ANKS1B: variants seen among roughly 807,000 people sequenced by gnomAD.
The protein encoded by ANKS1B is ankyrin repeat and sterile alpha motif domain containing 1B, also known as ankyrin repeat and sterile alpha motif domain-containing protein 1B.
ANKS1B carries 36 observed loss-of-function variants against 148.3 expected under a neutral mutation model. That is an observed-to-expected ratio of 0.24 (90% CI 0.19 to 0.32). The LOEUF (loss-of-function observed/expected upper bound fraction) is 0.32, where lower values mean the gene tolerates loss of function less well. ANKS1B is among the 10% of genes least tolerant of loss of function. The pLI is 1.00. For missense variants in ANKS1B, 1,157 were observed against 1,542.6 expected (o/e 0.75, Z 4.19); for synonymous variants, 542 against 560.8 (o/e 0.97, Z 0.47).
intron 20 of ANKS1B, among the ~76,000 whole-genome samples, chr12:98,807,120 A>C (rs2099056538): frequency 6.6e-6 from 1 of 152,230 alleles, no homozygotes. Flanking sequence ...GTATTTTAAA[A>C]TATGGAACAT....
intron 9 of ANKS1B, among the ~76,000 whole-genome samples, chr12:98,735,844 A>G (rs12581708): frequency 0.045 from 6,892 of 152,230 alleles, 322 homozygotes; most frequent in East Asian, 0.26. Flanking sequence ...GGTGGTATGT[A>G]CAAGCGGAGG....
intron 25 of ANKS1B, among the ~76,000 whole-genome samples, chr12:98,769,165 C>CTTTTTT (rs1182264550): frequency 0.017 from 681 of 41,236 alleles, 93 homozygotes; most frequent in Middle Eastern, 0.038. Context: ...GTCTTCTTTA[C>CTTTTTT]TTTTTTTTTT....
chr12:99,674,843 T>G (rs1208227470), intron 8 of ANKS1B, among the ~76,000 whole-genome samples: 1 of 151,820 alleles, frequency 6.6e-6, no homozygotes, highest in Non-Finnish European at 1.5e-5. Context: ...ACGTGAAAAC[T>G]TTGGAAAATT....
intron 12 of ANKS1B, among the ~76,000 whole-genome samples, chr12:99,279,126 G>T (rs2078061378): frequency 6.6e-6 from 1 of 152,132 alleles, no homozygotes; most frequent in African/African-American, 2.4e-5. Flanking sequence ...CTCCAGGCTG[G>T]CCTTGAATTC....
At chr12:99,535,329 G>C (rs1001422260) in intron 9 of ANKS1B, among the ~76,000 whole-genome samples, 2 of 152,066 alleles carry the variant, frequency 1.3e-5, no homozygotes, top group African/African-American at 4.8e-5. Flanking sequence ...TCCCATGATT[G>C]GTCCACTCTT....
intron 8 of ANKS1B, among the ~76,000 whole-genome samples, chr12:99,747,433 T>C (rs1202461818): frequency 2.6e-5 from 4 of 152,034 alleles, no homozygotes; most frequent in Non-Finnish European, 5.9e-5. Flanking sequence ...TCTCAGCCCT[T>C]TTTCCCAGAG....
At chr12:99,041,044 C>G (rs186829046) in intron 17 of ANKS1B, among the ~76,000 whole-genome samples, 66 of 152,306 alleles carry the variant, frequency 4.3e-4, no homozygotes, top group African/African-American at 1.6e-3. Context: ...GGGATAAAGA[C>G]CTGTACTTGG....
chr12:99,914,622 C>T (rs1018546301), intron 1 of ANKS1B, among the ~76,000 whole-genome samples: 2 of 152,072 alleles, frequency 1.3e-5, no homozygotes, highest in Non-Finnish European at 2.9e-5. Flanking sequence ...GATGAAGGAG[C>T]TTAGCTACAA....
chr12:99,965,574 C>A (rs2095475221), intron 1 of ANKS1B, among the ~76,000 whole-genome samples: 1 of 152,172 alleles, frequency 6.6e-6, no homozygotes, highest in Non-Finnish European at 1.5e-5. Context: ...TCCCATGCCA[C>A]CTGACAGGAT....
intron 1 of ANKS1B, among the ~76,000 whole-genome samples, chr12:99,933,849 C>T (rs1484321312): frequency 1.3e-5 from 2 of 152,054 alleles, no homozygotes; most frequent in Non-Finnish European, 2.9e-5. Flanking sequence ...CATTTTTCCC[C>T]ATTCAGTAAG....
intron 4 of ANKS1B, among the ~76,000 whole-genome samples, chr12:99,799,606 C>T (rs1403674821): frequency 6.6e-6 from 1 of 152,062 alleles, no homozygotes; most frequent in African/African-American, 2.4e-5. Flanking sequence ...AGGGTATCCT[C>T]ATAGGGAAGC....
At chr12:99,442,439 T>TA (rs1567109366) in intron 11 of ANKS1B, among the ~76,000 whole-genome samples, 1 of 151,870 alleles carries the variant, frequency 6.6e-6, no homozygotes, top group Non-Finnish European at 1.5e-5. Flanking sequence ...CTCCTAAAGA[T>TA]GTGTCAAATT....
At chr12:99,478,834 G>A (rs1396982358) in intron 10 of ANKS1B, among the ~76,000 whole-genome samples, 1 of 152,016 alleles carries the variant, frequency 6.6e-6, no homozygotes, top group African/African-American at 2.4e-5. Context: ...AGGAAAGACC[G>A]AATTACCCTT....
intron 12 of ANKS1B, among the ~76,000 whole-genome samples, chr12:99,265,270 T>G (rs954646114): frequency 2.0e-5 from 3 of 152,264 alleles, no homozygotes; most frequent in African/African-American, 7.2e-5. Flanking sequence ...CTAGAATATC[T>G]GGGGGTGGGC....
chr12:99,535,391 A>G (rs2097055606), intron 9 of ANKS1B, among the ~76,000 whole-genome samples: 1 of 152,196 alleles, frequency 6.6e-6, no homozygotes, highest in African/African-American at 2.4e-5. Flanking sequence ...ATGCAGATTA[A>G]TGTCACTGTC....
In ANKS1B at chr12:99,004,754, T is replaced by G. The variant is rs573912508; in HGVS notation, c.2778+48403A>C. Among the ~76,000 whole-genome samples, 119 of 151,730 alleles carry G rather than the reference T, an allele frequency of 7.8e-4. 1 individual carries two copies. Among genetic ancestry groups the G allele is most frequent in the African/African-American group, 2.8e-3 (116 of 41,216 alleles). ...ATATTGGCCATGTGTGGTCCAGGCA[T>G]GCCAGTATCAACAGACACTAAATAA... On this transcript the variant is annotated intron_variant, in intron 17 of 26. Transcript: ENST00000683438.
intron 1 of ANKS1B, among the ~76,000 whole-genome samples, chr12:99,894,289 AAGGGAGGGAGGG>A (rs752609673): frequency 0.077 from 3,524 of 45,772 alleles, 189 homozygotes; most frequent in Middle Eastern, 0.2. Flanking sequence ...GGAAGGAAGG[AAGGGAGGGAGGG>A]AGGGAGGGAG....
intron 1 of ANKS1B, among the ~76,000 whole-genome samples, chr12:99,863,480 C>T (rs572417140): frequency 6.6e-6 from 1 of 152,232 alleles, no homozygotes; most frequent in Admixed American, 6.5e-5. Context: ...CTTTGGGAGG[C>T]CAAGGCAGGT....
chr12:99,617,267 T>G (rs945004194), intron 9 of ANKS1B, among the ~76,000 whole-genome samples: 35 of 152,170 alleles, frequency 2.3e-4, no homozygotes, highest in African/African-American at 8.2e-4. Flanking sequence ...AGAAATACCA[T>G]TTGAGCCAGC....
Sources: allele counts gnomAD v4.1 joint callset (sites outside exome capture counted in the v4.1 genomes callset), GRCh38; gene constraint gnomAD v4.1.1; transcripts MANE v1.5; gene names NCBI Gene and HGNC (gene_info 2026-07-23, HGNC 2026-07-21).